TMEM272: variants seen among roughly 807,000 people sequenced by gnomAD.
The protein encoded by TMEM272 is transmembrane protein 272.
TMEM272 carries 8 observed loss-of-function variants against 3.7 expected under a neutral mutation model. That is an observed-to-expected ratio of 2.17 (90% CI 1.27 to 3.91). The LOEUF (loss-of-function observed/expected upper bound fraction) is 3.91. TMEM272 is among the 30% of genes most tolerant of loss of function. TMEM272 has a pLI of 0.00. For missense variants in TMEM272, 166 were observed against 91.5 expected, an observed-to-expected ratio of 1.81 and a Z score of -3.32; for synonymous variants, 63 against 39.8, an observed-to-expected ratio of 1.58 and a Z score of -2.20.
At chr13:51,861,659 G>C in the TMEM272 span, among the ~76,000 whole-genome samples, 2 of 152,154 alleles carry the variant, frequency 1.3e-5, no homozygotes, top group African/African-American at 4.8e-5. Flanking sequence ...AGAAGGAGAG[G>C]AGACAGAGAA....
At chr13:51,880,591 G>A in the TMEM272 span, among the ~76,000 whole-genome samples, 17 of 152,136 alleles carry the variant, frequency 1.1e-4, no homozygotes, top group East Asian at 9.6e-4. Flanking sequence ...CTTCCCACCC[G>A]TAGAAATTAC....
upstream of TMEM272, chr13:51,845,186 C>T (rs1366651228): frequency 6.6e-6 from 1 of 152,390 alleles, no homozygotes; most frequent in East Asian, 1.9e-4. Context: ...GTGGCTTTTC[C>T]TCTAAGGGGC....
At chr13:51,895,616 A>G in the TMEM272 span, among the ~76,000 whole-genome samples, 13 of 152,212 alleles carry the variant, frequency 8.5e-5, no homozygotes, top group South Asian at 2.7e-3. Flanking sequence ...AAGATAGCAG[A>G]CCAGGCATTT....
the TMEM272 span, among the ~76,000 whole-genome samples, chr13:51,878,301 G>A: frequency 6.6e-6 from 1 of 152,090 alleles, no homozygotes; most frequent in African/African-American, 2.4e-5. Context: ...GTCGTGGCAG[G>A]CACCTGTAGT....
the TMEM272 span, among the ~76,000 whole-genome samples, chr13:51,879,823 A>G: frequency 1.1e-4 from 16 of 152,308 alleles, no homozygotes; most frequent in African/African-American, 3.8e-4. Context: ...GTGTTCAAAG[A>G]GAGGTTTGCA....
the TMEM272 span, among the ~76,000 whole-genome samples, chr13:51,894,856 G>A: frequency 1.3e-5 from 2 of 151,960 alleles, no homozygotes; most frequent in African/African-American, 4.8e-5. Context: ...AACTCACCAT[G>A]ATGTAGAATT....
chr13:51,931,833 T>G, the TMEM272 span, among the ~76,000 whole-genome samples: 1 of 151,990 alleles, frequency 6.6e-6, no homozygotes, highest in Non-Finnish European at 1.5e-5. Flanking sequence ...CATCTAGCTA[T>G]GCAGTCACAA....
the TMEM272 span, among the ~76,000 whole-genome samples, chr13:51,890,177 G>C: frequency 1.3e-5 from 2 of 152,038 alleles, no homozygotes; most frequent in Non-Finnish European, 2.9e-5. Flanking sequence ...ATGGAAACAA[G>C]GTCTATACAC....
the TMEM272 span, chr13:51,909,006 T>A: frequency 6.8e-7 from 1 of 1,461,278 alleles, no homozygotes; most frequent in Non-Finnish European, 9.6e-7. Context: ...CAGTGGACCC[T>A]CCAACAAAGT....
the TMEM272 span, chr13:51,866,087 T>C: frequency 1.4e-3 from 2,123 of 1,560,554 alleles, 2 homozygotes; most frequent in Non-Finnish European, 1.7e-3. Flanking sequence ...GTAGCCAGCA[T>C]GCAGGTGCAG....
the TMEM272 span, among the ~76,000 whole-genome samples, chr13:51,902,634 C>G: frequency 6.6e-6 from 1 of 152,226 alleles, no homozygotes; most frequent in Non-Finnish European, 1.5e-5. Flanking sequence ...CAGTGAGCCA[C>G]CCCAGAAGCA....
the TMEM272 span, among the ~76,000 whole-genome samples, chr13:51,906,034 C>G: frequency 6.6e-6 from 1 of 152,174 alleles, no homozygotes; most frequent in Non-Finnish European, 1.5e-5. Flanking sequence ...GGCTCGGGCT[C>G]TGGGAGCCAG....
chr13:51,890,145 C>T, the TMEM272 span, among the ~76,000 whole-genome samples: 10 of 152,248 alleles, frequency 6.6e-5, no homozygotes, highest in South Asian at 2.1e-4. Flanking sequence ...ACTCTAAATA[C>T]GGAGGGAGCT....
At chr13:51,869,715 C>G in the TMEM272 span, among the ~76,000 whole-genome samples, 2 of 152,062 alleles carry the variant, frequency 1.3e-5, no homozygotes, top group African/African-American at 4.8e-5. Context: ...GTCTCCAACT[C>G]CTGACCTCGT....
chr13:51,850,290 T>A, the TMEM272 span, among the ~76,000 whole-genome samples: 1 of 152,218 alleles, frequency 6.6e-6, no homozygotes, highest in Non-Finnish European at 1.5e-5. Flanking sequence ...GATTTCCTTA[T>A]AATATTTATA....
the TMEM272 span, among the ~76,000 whole-genome samples, chr13:51,914,177 T>C: frequency 6.6e-6 from 1 of 152,198 alleles, no homozygotes; most frequent in Non-Finnish European, 1.5e-5. Context: ...TCAGTTCAGC[T>C]CAGGAACAAC....
At chr13:51,838,590 GA>G (rs781470098) in intron 1 of TMEM272, 37 bp from the exon 2 acceptor site, 102 of 702,936 alleles carry the variant, frequency 1.5e-4, no homozygotes, top group Non-Finnish European at 2.3e-4. Flanking sequence ...AAGGATGGTG[GA>G]AGGATTTACT....
intron 1 of TMEM272, among the ~76,000 whole-genome samples, chr13:51,839,134 A>G (rs1956240087): frequency 6.6e-6 from 1 of 152,058 alleles, no homozygotes; most frequent in African/African-American, 2.4e-5. Context: ...TGACCAGAGC[A>G]GCCTGGGTGG....
At chr13:51,887,895 C>T in the TMEM272 span, among the ~76,000 whole-genome samples, 1 of 152,190 alleles carries the variant, frequency 6.6e-6, no homozygotes, top group African/African-American at 2.4e-5. Flanking sequence ...TTATGCCTAC[C>T]TCCCAATGCC....
Sources: gnomAD v4.1 joint callset for allele counts (sites outside exome capture counted in the v4.1 genomes callset) on GRCh38, gnomAD v4.1.1 for gene constraint, MANE v1.5 for transcripts, NCBI Gene and HGNC (gene_info 2026-07-23, HGNC 2026-07-21) for gene names.